The following RAPGEF5 variants were observed in gnomAD, a reference collection of about 807,000 sequenced individuals.
The protein encoded by RAPGEF5 is M-Ras-regulated GEF.
Under a neutral mutation model 125.2 loss-of-function variants are expected in RAPGEF5, and 65 were observed. The observed-to-expected ratio is 0.52, with a 90% CI of 0.43 to 0.64. RAPGEF5 has a LOEUF of 0.64. Among genes scored for constraint, RAPGEF5 ranks in the 30% least tolerant of loss-of-function variants. The probability of loss-of-function intolerance (pLI) is 0.00; values close to 1 mark genes in which losing one functional copy is unlikely to be tolerated. For missense variants in RAPGEF5, 958 were observed against 1,048.1 expected, an observed-to-expected ratio of 0.91 and a Z score of 1.19; for synonymous variants, 391 against 385.9, an observed-to-expected ratio of 1.01 and a Z score of -0.16.
At chr7:22,184,041 C>T (rs1431026453) in intron 11 of RAPGEF5, among the ~76,000 whole-genome samples, 1 of 152,168 alleles carries the variant, frequency 6.6e-6, no homozygotes, top group Admixed American at 6.6e-5. Flanking sequence ...CTCTAGACTT[C>T]CACTTGAACT....
chr7:22,147,699 T>G (rs571176625), intron 18 of RAPGEF5, among the ~76,000 whole-genome samples: 1 of 152,230 alleles, frequency 6.6e-6, no homozygotes, highest in Non-Finnish European at 1.5e-5. Flanking sequence ...ATCACAACTT[T>G]CAATCTATTT....
chr7:22,268,654 G>A (rs889919020), intron 6 of RAPGEF5, among the ~76,000 whole-genome samples: 8 of 152,152 alleles, frequency 5.3e-5, no homozygotes, highest in African/African-American at 1.9e-4. Flanking sequence ...AAACCCCACT[G>A]TGGCACACAC....
intron 8 of RAPGEF5, among the ~76,000 whole-genome samples, chr7:22,228,365 T>C (rs1785971362): frequency 6.6e-6 from 1 of 152,158 alleles, no homozygotes; most frequent in South Asian, 2.1e-4. Context: ...TTAAATACAT[T>C]AATAAAAACA....
chr7:22,183,930 T>A (rs1451353872), intron 11 of RAPGEF5, among the ~76,000 whole-genome samples: 1 of 152,144 alleles, frequency 6.6e-6, no homozygotes. Flanking sequence ...TCTAAGGTCA[T>A]TCTTTCCCCC....
intron 3 of RAPGEF5, among the ~76,000 whole-genome samples, chr7:22,314,276 T>C (rs1311450302): frequency 6.6e-6 from 1 of 152,130 alleles, no homozygotes; most frequent in African/African-American, 2.4e-5. Context: ...GGTATGAAAA[T>C]CCACTATATC....
Position 22,162,524 on chromosome 7 carries a change from T to C in RAPGEF5, c.1301A>G (p.Tyr434Cys), listed in dbSNP as rs149012757. Residue 434 changes from tyrosine to cysteine, a missense_variant, in exon 13 of 26, where the codon TAT (tyrosine) becomes TGT (cysteine). Coordinates refer to ENST00000665637, the MANE Select transcript of RAPGEF5 (RefSeq NM_012294.5). ...ALLRHYSAKK[Y>C]QGKEENSDVP... Reference sequence around the variant, plus strand: ...GTCTGAGTTTTCCTCTTTGCCTTGATACTTCTTAGCAGAATAGGTGCAAAT... The same window carrying C: ...GTCTGAGTTTTCCTCTTTGCCTTGACACTTCTTAGCAGAATAGGTGCAAAT... The C allele has an allele frequency of 3.8e-4, 610 of 1,609,562 alleles. 3 individuals carry two copies. In the South Asian group the frequency reaches 6.3e-3, roughly 17 times the overall value.
chr7:22,256,007 G>T (rs1411367984), intron 7 of RAPGEF5, among the ~76,000 whole-genome samples: 1 of 152,160 alleles, frequency 6.6e-6, no homozygotes, highest in African/African-American at 2.4e-5. Flanking sequence ...TCTTGTGATT[G>T]AGACAGTGCA....
chr7:22,202,200 G>C (rs1342358074), intron 9 of RAPGEF5, among the ~76,000 whole-genome samples: 2 of 152,304 alleles, frequency 1.3e-5, no homozygotes, highest in South Asian at 2.1e-4. Context: ...TCTAGGCTAA[G>C]TCTGAGTAAT....
At chr7:22,148,069 G>C (rs565348299) in intron 18 of RAPGEF5, among the ~76,000 whole-genome samples, 81 of 152,290 alleles carry the variant, frequency 5.3e-4, no homozygotes, top group African/African-American at 1.9e-3. Context: ...TGTATCCCCA[G>C]TGTAGGGCAC....
chr7:22,125,569 C>A, intron 25 of RAPGEF5, 35 bp downstream of exon 25: 1 of 1,575,348 alleles, frequency 6.3e-7, no homozygotes. Flanking sequence ...AACGTAGAGT[C>A]AATTTACATT....
intron 9 of RAPGEF5, among the ~76,000 whole-genome samples, chr7:22,206,767 A>T (rs1785407661): frequency 6.6e-6 from 1 of 152,060 alleles, no homozygotes. Context: ...ATTTTACTTA[A>T]TGAGGAAGGG....
chr7:22,156,522 C>G (rs987890326), intron 16 of RAPGEF5, among the ~76,000 whole-genome samples: 18 of 152,164 alleles, frequency 1.2e-4, no homozygotes, highest in African/African-American at 4.3e-4. Flanking sequence ...GCTGAGTCTC[C>G]CGTTCATTTT....
At chr7:22,295,675 G>A (rs1168261835) in intron 5 of RAPGEF5, among the ~76,000 whole-genome samples, 1 of 151,996 alleles carries the variant, frequency 6.6e-6, no homozygotes, top group Non-Finnish European at 1.5e-5. Flanking sequence ...TACAAAAACA[G>A]TTTAAAGTAA....
Position 22,146,965 on chromosome 7 carries a change from T to C in RAPGEF5, c.1939A>G (p.Met647Val), listed in dbSNP as rs1347981012. ...SQQRSMRILGMNTWDLALELM... is the reference protein window; with the variant it reads ...SQQRSMRILGVNTWDLALELM... The stretch of plus-strand genomic sequence containing the variant: ...TCCAGAGCAAGATCCCAAGTGTTCA[T>C]TCCCAAAATCCTCATCGACCTTTGC... The change falls in exon 19 of 26, where the codon ATG becomes GTG. Residue 647 changes from methionine (M) to valine (V), a missense_variant. Physicochemically the swap from Met to Val is conservative, Grantham distance 21. Transcript: ENST00000665637. The C allele has an allele frequency of 1.2e-6, 2 of 1,613,700 alleles. No homozygotes were observed. Among genetic ancestry groups the C allele is most frequent in the African/African-American group, 1.3e-5 (1 of 74,930 alleles).
At chr7:22,221,497 G>A (rs770585796) in intron 8 of RAPGEF5, among the ~76,000 whole-genome samples, 7 of 151,920 alleles carry the variant, frequency 4.6e-5, no homozygotes, top group East Asian at 1.9e-4. Context: ...TTGCAGAGTC[G>A]CCACCCAAAT....
intron 20 of RAPGEF5, among the ~76,000 whole-genome samples, chr7:22,140,817 C>T (rs1783234410): frequency 6.6e-6 from 1 of 152,156 alleles, no homozygotes; most frequent in African/African-American, 2.4e-5. Context: ...GCAGGGGGAG[C>T]TCGGGATTTC....
At chr7:22,141,821 G>A (rs1310546902) in intron 20 of RAPGEF5, among the ~76,000 whole-genome samples, 1 of 152,126 alleles carries the variant, frequency 6.6e-6, no homozygotes, top group African/African-American at 2.4e-5. Flanking sequence ...CCCTTACGTG[G>A]TTTTTTGCCA....
chr7:22,127,693 C>T (rs2128098502), intron 24 of RAPGEF5, among the ~76,000 whole-genome samples: 1 of 152,314 alleles, frequency 6.6e-6, no homozygotes, highest in Middle Eastern at 3.4e-3. Context: ...CAATTTGGGT[C>T]AACATCTTTC....
intron 24 of RAPGEF5, among the ~76,000 whole-genome samples, chr7:22,129,440 GAGATGTGTTGGCC>G (rs1209724025): frequency 6.6e-6 from 1 of 152,140 alleles, no homozygotes; most frequent in Non-Finnish European, 1.5e-5. Flanking sequence ...TGTTCTTAGG[GAGATGTGTTGGCC>G]AGGAAGCGAA....
Sources: gnomAD v4.1 joint callset for allele counts (sites outside exome capture counted in the v4.1 genomes callset) on GRCh38, gnomAD v4.1.1 for gene constraint, MANE v1.5 for transcripts, NCBI Gene and HGNC (gene_info 2026-07-23, HGNC 2026-07-21) for gene names.